The following FTO variants were observed in gnomAD, a reference collection of about 807,000 sequenced individuals.
FTO encodes alpha-ketoglutarate-dependent dioxygenase FTO.
Under a neutral mutation model 63.9 loss-of-function variants are expected in FTO, and 47 were observed. The observed-to-expected ratio is 0.74, with a 90% CI of 0.58 to 0.94. The LOEUF (loss-of-function observed/expected upper bound fraction) is 0.94. Among genes scored for constraint, FTO ranks in the 40% least tolerant of loss-of-function variants. The pLI is 0.00. For synonymous variants in FTO, 207 were observed against 224.4 expected (o/e 0.92, Z 0.69); for missense variants, 562 against 618.1 (o/e 0.91, Z 0.96).
intron 4 of FTO, among the ~76,000 whole-genome samples, chr16:53,863,199 A>G (rs1457379242): frequency 1.3e-5 from 2 of 152,212 alleles, no homozygotes; most frequent in Admixed American, 1.3e-4. Flanking sequence ...CTAAAATTTT[A>G]TCATGTCAGT....
chr16:53,766,481 CCA>C (rs1480468342), intron 1 of FTO, among the ~76,000 whole-genome samples: 1 of 152,102 alleles, frequency 6.6e-6, no homozygotes, highest in Non-Finnish European at 1.5e-5. Context: ...TTTCAGTGCT[CCA>C]AAGTGCTGGG....
chr16:53,906,255 T>A (rs2081537366), intron 7 of FTO, among the ~76,000 whole-genome samples: 1 of 152,224 alleles, frequency 6.6e-6, no homozygotes, highest in Admixed American at 6.5e-5. Context: ...CCCATGTGAT[T>A]CTAATGTTTC....
rs76786523 is a variant in FTO, at chr16:54,041,869, C to G, written c.1365-69893C>G. On this transcript the variant is annotated intron_variant, in intron 8 of 8. Coordinates refer to ENST00000471389, the MANE Select transcript of FTO (RefSeq NM_001080432.3). ...AACAATCCTCCTGAAACGTGCTGCC[C>G]GATGTGCTGATGATACAAAAGGAAA... is the stretch of plus-strand genomic sequence containing the variant. 2.0e-5 allele frequency among the ~76,000 whole-genome samples: 3 copies of G among 152,084 alleles called. 1 individual carries two copies. Among genetic ancestry groups the G allele is most frequent in the Non-Finnish European group, 4.4e-5 (3 of 68,010 alleles).
chr16:53,922,515 A>C (rs969138736), intron 7 of FTO, among the ~76,000 whole-genome samples: 4 of 152,236 alleles, frequency 2.6e-5, no homozygotes, highest in Admixed American at 6.5e-5. Flanking sequence ...AAATGCCAAC[A>C]AAGTCATCCT....
intron 8 of FTO, among the ~76,000 whole-genome samples, chr16:53,987,990 G>A (rs764002621): frequency 6.6e-6 from 1 of 152,138 alleles, no homozygotes; most frequent in Admixed American, 6.6e-5. Context: ...TGTACAATGG[G>A]GATTGAACTT....
chr16:53,868,925 G>T (rs759681182), intron 4 of FTO, among the ~76,000 whole-genome samples: 1 of 151,908 alleles, frequency 6.6e-6, no homozygotes, highest in African/African-American at 2.4e-5. Context: ...TCCGCCTCCC[G>T]GGTTCAAGCG....
intron 2 of FTO, among the ~76,000 whole-genome samples, chr16:53,817,012 A>T (rs537214874): frequency 6.6e-6 from 1 of 152,050 alleles, no homozygotes; most frequent in Non-Finnish European, 1.5e-5. Flanking sequence ...TCACACTTCT[A>T]TTGTAGGACA....
At chr16:53,764,475 C>CAAAAAAAAAAAA (rs56906281) in intron 1 of FTO, among the ~76,000 whole-genome samples, 16 of 118,700 alleles carry the variant, frequency 1.3e-4, no homozygotes, top group East Asian at 7.7e-4. Flanking sequence ...ACTAAAAATA[C>CAAAAAAAAAAAA]AAAAAAAAAA....
chr16:53,752,960 A>T (rs1318659277), intron 1 of FTO, among the ~76,000 whole-genome samples: 1 of 149,564 alleles, frequency 6.7e-6, no homozygotes, highest in Non-Finnish European at 1.5e-5. Flanking sequence ...TGAGGGCTTT[A>T]AAAAAAAACA....
chr16:54,006,087 G>C (rs1405257695), intron 8 of FTO, among the ~76,000 whole-genome samples: 1 of 152,134 alleles, frequency 6.6e-6, no homozygotes, highest in Admixed American at 6.5e-5. Context: ...TAGCTTCTCT[G>C]GGACATATGA....
intron 4 of FTO, among the ~76,000 whole-genome samples, chr16:53,852,798 C>CT (rs1351843692): frequency 6.6e-6 from 1 of 152,212 alleles, no homozygotes; most frequent in Admixed American, 6.5e-5. Context: ...TAGTTTCCCT[C>CT]TCCCCCTGGA....
intron 2 of FTO, among the ~76,000 whole-genome samples, chr16:53,812,412 A>G (rs1333657959): frequency 6.6e-6 from 1 of 152,064 alleles, no homozygotes; most frequent in African/African-American, 2.4e-5. Flanking sequence ...TAGTAGAGAC[A>G]TGGTTTCACC....
rs2086952488 is a variant in FTO, at chr16:54,114,345, G to A, written c.*2430G>A. The A allele has an allele frequency of 6.6e-6, 1 of 152,134 alleles. No individual in the cohort carries two copies. Among genetic ancestry groups the A allele is most frequent in the Admixed American group, 6.5e-5 (1 of 15,280 alleles). 9.4% of individuals were successfully genotyped at this position (152,134 alleles called of 1,614,324 possible). On this transcript the variant is annotated 3_prime_UTR_variant, in exon 9 of 9. Coordinates refer to ENST00000471389, the MANE Select transcript of FTO (RefSeq NM_001080432.3). Reference sequence around the variant, plus strand: ...CACCCCTCTAGTCGAAATATTTTGTGCTTACCCCAATATATGTGTGTGACT... The same window carrying A: ...CACCCCTCTAGTCGAAATATTTTGTACTTACCCCAATATATGTGTGTGACT...
chr16:54,025,677 C>T (rs1401286056), intron 8 of FTO, among the ~76,000 whole-genome samples: 1 of 151,792 alleles, frequency 6.6e-6, no homozygotes, highest in Admixed American at 6.6e-5. Flanking sequence ...AGTGACCGTG[C>T]CACTGCATTC....
chr16:53,963,544 G>A (rs535637696), intron 8 of FTO, among the ~76,000 whole-genome samples: 1 of 152,248 alleles, frequency 6.6e-6, no homozygotes, highest in East Asian at 1.9e-4. Context: ...GTCCACCCTT[G>A]GTACTGTGTA....
chr16:53,883,574 A>G (rs2080903253), intron 6 of FTO, among the ~76,000 whole-genome samples: 4 of 128,244 alleles, frequency 3.1e-5, no homozygotes, highest in Admixed American at 1.0e-4. Context: ...GTGAGCCGAG[A>G]TTGTGCCATT....
At chr16:54,066,829 A>G (rs887230321) in intron 8 of FTO, among the ~76,000 whole-genome samples, 26 of 152,248 alleles carry the variant, frequency 1.7e-4, no homozygotes, top group African/African-American at 4.3e-4. Flanking sequence ...TGAAGGCACA[A>G]TACTGCACTG....
At chr16:54,049,357 G>A (rs1200741683) in intron 8 of FTO, among the ~76,000 whole-genome samples, 2 of 152,206 alleles carry the variant, frequency 1.3e-5, no homozygotes, top group Non-Finnish European at 2.9e-5. Flanking sequence ...TGCAAAAAGA[G>A]ATGGCTGCCC....
intron 4 of FTO, among the ~76,000 whole-genome samples, chr16:53,863,996 G>A (rs1374920202): frequency 2.0e-5 from 3 of 152,136 alleles, no homozygotes; most frequent in South Asian, 2.1e-4. Context: ...TCCATTGATT[G>A]TCTCATTGAG....
Sources: gnomAD v4.1 joint callset for allele counts (sites outside exome capture counted in the v4.1 genomes callset) on GRCh38, gnomAD v4.1.1 for gene constraint, MANE v1.5 for transcripts, NCBI Gene and HGNC (gene_info 2026-07-23, HGNC 2026-07-21) for gene names.